LEP: variants seen among roughly 807,000 people sequenced by gnomAD.
The protein encoded by LEP is leptin.
In LEP, 6 loss-of-function variants were observed where a neutral mutation model predicts 9.8. The observed-to-expected ratio is 0.61, with a 90% CI of 0.34 to 1.21. The LOEUF (loss-of-function observed/expected upper bound fraction) is 1.21. Among genes scored for constraint, LEP ranks in the 50% most tolerant of loss-of-function variants. The pLI, the probability that LEP is intolerant of heterozygous loss-of-function variation, is 0.04. For synonymous variants in LEP, 112 were observed against 81.7 expected (o/e 1.37, Z -2.00); for missense variants, 134 against 198.1 (o/e 0.68, Z 1.94).
At chr7:128,243,675 G>T (rs899823533) in intron 1 of LEP, among the ~76,000 whole-genome samples, 5 of 152,184 alleles carry the variant, frequency 3.3e-5, no homozygotes, top group Non-Finnish European at 5.9e-5. Context: ...AAGAATTCCT[G>T]CTGGGCCAAA....
At position 128,256,627 on chromosome 7, in the gene LEP, A is replaced by G. The variant is rs991127499; in HGVS notation, c.*1864A>G. On this transcript the variant is annotated 3_prime_UTR_variant, in exon 3 of 3. Coordinates refer to ENST00000308868, the MANE Select transcript of LEP (RefSeq NM_000230.3). ...GGCCGTGCCCAGGGGCCCACAGGGA[A>G]CCCTGCTTGCACTTTGTAACATGTT... is the stretch of plus-strand genomic sequence containing the variant. 5.3e-5 allele frequency: 8 copies of G among 152,274 alleles called. 1 individual carries two copies. The highest frequency in any genetic ancestry group is 1.9e-4 in the African/African-American group (8 of 41,556). The allele number at this position is 152,274 out of a possible 1,614,324, so 9.4% of individuals were successfully genotyped here.
chr7:128,246,009 T>G (rs1795206369), intron 1 of LEP, among the ~76,000 whole-genome samples: 1 of 151,344 alleles, frequency 6.6e-6, no homozygotes, highest in Admixed American at 6.6e-5. Flanking sequence ...AGGCGGAGGT[T>G]GCAGTGAGCC....
chr7:128,253,098 T>C (rs1457620129), intron 2 of LEP, among the ~76,000 whole-genome samples: 1 of 152,076 alleles, frequency 6.6e-6, no homozygotes, highest in Non-Finnish European at 1.5e-5. Flanking sequence ...CCTTGAATCT[T>C]AGTGCCTACG....
At chr7:128,248,330 G>T (rs929641577) in intron 1 of LEP, among the ~76,000 whole-genome samples, 1 of 152,190 alleles carries the variant, frequency 6.6e-6, no homozygotes, top group African/African-American at 2.4e-5. Context: ...TACTTGGGAG[G>T]CTGAGGCAGG....
At chr7:128,243,626 A>T (rs1195768740) in intron 1 of LEP, among the ~76,000 whole-genome samples, 2 of 152,218 alleles carry the variant, frequency 1.3e-5, no homozygotes, top group East Asian at 1.9e-4. Context: ...GGAGACCTGG[A>T]CGCTGAAGCA....
chr7:128,248,723 AG>A (rs1462412145), intron 1 of LEP, among the ~76,000 whole-genome samples: 2 of 152,238 alleles, frequency 1.3e-5, no homozygotes, highest in Non-Finnish European at 2.9e-5. Flanking sequence ...ATTTTATGTA[AG>A]TAGTTGACAA....
In LEP at chr7:128,254,854, A is replaced by G; in HGVS notation, c.*91A>G. 7.2e-7 allele frequency: 1 copy of G among 1,394,872 alleles called. No individual in the cohort carries two copies. The highest frequency in any genetic ancestry group is 1.8e-5 in the Admixed American group (1 of 55,758). The allele number at this position is 1,394,872 out of a possible 1,614,324, so 86.4% of individuals were successfully genotyped here. On this transcript the variant is annotated 3_prime_UTR_variant, in exon 3 of 3. Coordinates refer to ENST00000308868, the MANE Select transcript of LEP (RefSeq NM_000230.3). ...TCCAGGATTGAAGAGCATTGCATGG[A>G]CACCCCTTATCCAGGACTCTGTCAA... is the stretch of plus-strand genomic sequence containing the variant.
chr7:128,253,373 C>T (rs534368735), intron 2 of LEP, among the ~76,000 whole-genome samples: 5 of 152,330 alleles, frequency 3.3e-5, no homozygotes, highest in African/African-American at 1.2e-4. Context: ...GACCTTCAGC[C>T]ATTTTCCTGA....
At chr7:128,253,092 G>A (rs1258801920) in intron 2 of LEP, among the ~76,000 whole-genome samples, 1 of 151,954 alleles carries the variant, frequency 6.6e-6, no homozygotes, top group Non-Finnish European at 1.5e-5. Context: ...TCACTTCCTT[G>A]AATCTTAGTG....
Position 128,254,652 on chromosome 7 carries a change from G to C in LEP, c.393G>C (p.Leu131=). 1 of 1,613,870 alleles carries C rather than the reference G, an allele frequency of 6.2e-7. No individual in the cohort carries two copies. Among genetic ancestry groups the C allele is most frequent in the Non-Finnish European group, 8.5e-7 (1 of 1,179,930 alleles). ...GTGGCCTGGAGACCTTGGACAGCCT[G>C]GGGGGTGTCCTGGAAGCTTCAGGCT... ...WASGLETLDS[L]GGVLEASGYS... The change falls in exon 3 of 3, where the codon CTG becomes CTC. Residue 131 remains leucine (L), a synonymous_variant. Coordinates refer to ENST00000308868, the MANE Select transcript of LEP (RefSeq NM_000230.3).
Position 128,254,818 on chromosome 7 carries a change from T to C in LEP, c.*55T>C. The C allele has an allele frequency of 6.3e-7, 1 of 1,589,122 alleles. No individual in the cohort carries two copies. The highest frequency in any genetic ancestry group is 1.1e-5 in the South Asian group (1 of 90,282). On this transcript the variant is annotated 3_prime_UTR_variant, in exon 3 of 3. Transcript: ENST00000308868. Reference sequence around the variant, plus strand: ...CTACGTTAAGGGAAGGAACTCTGGCTTCCAGGTATCTCCAGGATTGAAGAG... The same window carrying C: ...CTACGTTAAGGGAAGGAACTCTGGCCTCCAGGTATCTCCAGGATTGAAGAG...
intron 1 of LEP, among the ~76,000 whole-genome samples, chr7:128,250,775 A>C (rs1383332146): frequency 6.6e-6 from 1 of 152,176 alleles, no homozygotes; most frequent in Non-Finnish European, 1.5e-5. Flanking sequence ...GCGGAGATTA[A>C]TTTTACTGCC....
At position 128,256,168 on chromosome 7, in the gene LEP, T is replaced by C. The variant is rs1226190337; in HGVS notation, c.*1405T>C. On this transcript the variant is annotated 3_prime_UTR_variant, in exon 3 of 3. Coordinates refer to ENST00000308868, the MANE Select transcript of LEP (RefSeq NM_000230.3). The stretch of plus-strand genomic sequence containing the variant: ...ACTCCAGTGGTGAAGAAAACTCCTT[T>C]AGCAGGTGGTCCTGAGACCTGACAA... 1 of 152,246 alleles carries C rather than the reference T, an allele frequency of 6.6e-6. No homozygotes were observed. Among genetic ancestry groups the C allele is most frequent in the East Asian group, 1.9e-4 (1 of 5,194 alleles). 9.4% of individuals were successfully genotyped at this position (152,246 alleles called of 1,614,324 possible). A position where few individuals can be genotyped will look rare whatever the true frequency, so the allele number is the denominator to read the frequency against.
chr7:128,243,291 A>C (rs982711461), intron 1 of LEP, among the ~76,000 whole-genome samples: 2 of 152,252 alleles, frequency 1.3e-5, no homozygotes, highest in Non-Finnish European at 2.9e-5. Flanking sequence ...GCCCATACCA[A>C]CATTTCACTA....
chr7:128,251,788 C>T (rs1795277654), intron 1 of LEP, among the ~76,000 whole-genome samples: 1 of 152,170 alleles, frequency 6.6e-6, no homozygotes, highest in South Asian at 2.1e-4. Flanking sequence ...TTTTATTGAC[C>T]AGACAATAAT....
At chr7:128,243,606 C>G (rs1795176630) in intron 1 of LEP, among the ~76,000 whole-genome samples, 1 of 152,112 alleles carries the variant, frequency 6.6e-6, no homozygotes, top group Non-Finnish European at 1.5e-5. Flanking sequence ...GACCAAGGTC[C>G]CCAAGAGAGG....
intron 1 of LEP, among the ~76,000 whole-genome samples, chr7:128,246,754 A>T (rs1270742770): frequency 6.6e-6 from 1 of 151,742 alleles, no homozygotes; most frequent in African/African-American, 2.4e-5. Flanking sequence ...GAGCCACCAC[A>T]CCCAGCCACA....
intron 1 of LEP, among the ~76,000 whole-genome samples, chr7:128,242,005 A>G (rs1795157785): frequency 6.6e-6 from 1 of 152,228 alleles, no homozygotes; most frequent in Non-Finnish European, 1.5e-5. Context: ...TCTAGCCAGG[A>G]CTGCTAAATA....
chr7:128,247,551 C>G (rs941550928), intron 1 of LEP, among the ~76,000 whole-genome samples: 1 of 152,168 alleles, frequency 6.6e-6, no homozygotes, highest in African/African-American at 2.4e-5. Flanking sequence ...CAGCTGGAAG[C>G]CACCATCTCC....
Sources: gnomAD v4.1 joint callset for allele counts (sites outside exome capture counted in the v4.1 genomes callset) on GRCh38, gnomAD v4.1.1 for gene constraint, MANE v1.5 for transcripts, NCBI Gene and HGNC (gene_info 2026-07-23, HGNC 2026-07-21) for gene names.